STARD9: variants seen among roughly 807,000 people sequenced by gnomAD.
STARD9 encodes StAR related lipid transfer domain containing 9, also known as stAR-related lipid transfer protein 9.
A neutral mutation model predicts 399.8 loss-of-function variants in STARD9; 346 were observed. The observed-to-expected ratio is 0.87, with a 90% CI of 0.79 to 0.95. STARD9 has a LOEUF of 0.95. Among genes scored for constraint, STARD9 ranks in the 40% least tolerant of loss-of-function variants. The pLI, the probability that STARD9 is intolerant of heterozygous loss-of-function variation, is 0.00. For missense variants in STARD9, 5,832 were observed against 5,667.5 expected (o/e 1.03, Z -0.93); for synonymous variants, 2,203 against 2,143.5 (o/e 1.03, Z -0.77).
At chr15:42,656,911 CTGTT>C (rs2059886093) in intron 9 of STARD9, among the ~76,000 whole-genome samples, 2 of 152,092 alleles carry the variant, frequency 1.3e-5, no homozygotes, top group Admixed American at 1.3e-4. Context: ...ACAGGGTACA[CTGTT>C]TGGGTGATGG....
rs370111219 is a variant in STARD9 at position 42,691,843 on chromosome 15, C to T, written c.10265C>T (p.Thr3422Met). ...TCACACATGCCAACCCCTGATTTCA[C>T]GACCAGCTGGATGTCTGGTACTTTG... Reference protein sequence around the residue: ...TLSHMPTPDFTTSWMSGTLEQ... With the variant: ...TLSHMPTPDFMTSWMSGTLEQ... The change falls in exon 23 of 33, where the codon ACG becomes ATG. Residue 3422 changes from threonine to methionine, a missense_variant. Coordinates refer to ENST00000290607, the MANE Select transcript of STARD9 (RefSeq NM_020759.3). The T allele has an allele frequency of 2.5e-5, 38 of 1,537,152 alleles. No individual in the cohort carries two copies. Among genetic ancestry groups the T allele is most frequent in the African/African-American group, 2.5e-4 (18 of 73,044 alleles).
At position 42,618,665 on chromosome 15, in the gene STARD9, C is replaced by T. The variant is rs989821425; in HGVS notation, c.235-16191C>T. ...AGGCTGGAGTGCAGTGGTGTGATCT[C>T]GGCTCACCGCAACCTCTGCCTCCTG... is the stretch of plus-strand genomic sequence containing the variant. On this transcript the variant is annotated intron_variant, in intron 3 of 32. Transcript: ENST00000290607. 8.7e-5 allele frequency among the ~76,000 whole-genome samples: 13 copies of T among 150,028 alleles called. 1 individual carries two copies. The highest frequency in any genetic ancestry group is 4.0e-4 in the Admixed American group (6 of 15,078).
chr15:42,704,477 A>G (rs1396134686), intron 26 of STARD9, among the ~76,000 whole-genome samples: 1 of 152,124 alleles, frequency 6.6e-6, no homozygotes, highest in Non-Finnish European at 1.5e-5. Flanking sequence ...AATTTTTGCA[A>G]TCTGGCCTTG....
chr15:42,602,971 C>G (rs2058658503), intron 3 of STARD9, among the ~76,000 whole-genome samples: 1 of 152,182 alleles, frequency 6.6e-6, no homozygotes, highest in Non-Finnish European at 1.5e-5. Context: ...AGACCCTATT[C>G]TCCTGCCTCA....
chr15:42,694,543 TG>T lies in STARD9; in HGVS notation c.12781del (p.Glu4261ArgfsTer26). On this transcript the variant is annotated frameshift_variant, in exon 24 of 33. Transcript: ENST00000290607. LOFTEE classifies it high-confidence loss of function. ...TTTGCCTCAGGCAAAAAAAGGCCATTGAGACCCTCAGGAGAGAGCGGGCTGA... is the reference window on the plus strand; with the variant it reads ...TTTGCCTCAGGCAAAAAAAGGCCATTAGACCCTCAGGAGAGAGCGGGCTGA... Reference protein sequence around the residue: ...ELYARQKKAIETLRRERAERL... With the variant: ...ELYARQKKAIXTLRRERAERL... 1 of 1,537,046 alleles carries T rather than the reference TG, an allele frequency of 6.5e-7. No homozygotes were observed. The highest frequency in any genetic ancestry group is 8.7e-7 in the Non-Finnish European group (1 of 1,146,802).
chr15:42,639,882 A>C (rs541802961), intron 7 of STARD9, among the ~76,000 whole-genome samples: 39 of 152,082 alleles, frequency 2.6e-4, no homozygotes, highest in African/African-American at 9.2e-4. Flanking sequence ...AAAAAAAGTA[A>C]TGTATATTTT....
intron 3 of STARD9, among the ~76,000 whole-genome samples, chr15:42,604,030 G>C (rs79130229): frequency 1.6e-3 from 238 of 152,312 alleles, no homozygotes; most frequent in Middle Eastern, 6.8e-3. Context: ...CAAGGAGGGG[G>C]TTTGTTTGGG....
intron 26 of STARD9, among the ~76,000 whole-genome samples, chr15:42,706,756 T>C (rs1442141535): frequency 6.6e-6 from 1 of 152,206 alleles, no homozygotes; most frequent in Non-Finnish European, 1.5e-5. Context: ...GGCTTTTTTA[T>C]AGCTTTTGAG....
chr15:42,662,903 T>A lies in STARD9; in HGVS notation c.868+12T>A. On this transcript the variant is annotated intron_variant, in intron 11 of 32. Coordinates refer to ENST00000290607, the MANE Select transcript of STARD9 (RefSeq NM_020759.3). ...CATCTCCACCTTAGGTATTTTCTGA[T>A]AGATAATGGGAGTGGGAGGGAGAGT... 1.3e-6 allele frequency: 2 copies of A among 1,504,268 alleles called. No homozygotes were observed. The highest frequency in any genetic ancestry group is 2.8e-5 in the African/African-American group (2 of 72,456). The allele number at this position is 1,504,268 out of a possible 1,614,324, so 93.2% of individuals were successfully genotyped here. A position where few individuals can be genotyped will look rare whatever the true frequency, so the allele number is the denominator to read the frequency against.
At position 42,694,008 on chromosome 15, in the gene STARD9, A is replaced by G. The variant is rs2060780370; in HGVS notation, c.12430A>G (p.Asn4144Asp). 1.3e-6 allele frequency: 2 copies of G among 1,520,354 alleles called. No individual in the cohort carries two copies. Among genetic ancestry groups the G allele is most frequent in the African/African-American group, 1.4e-5 (1 of 72,552 alleles). The allele number at this position is 1,520,354 out of a possible 1,614,324, so 94.2% of individuals were successfully genotyped here. The change falls in exon 23 of 33, where the codon AAC becomes GAC. Residue 4144 changes from asparagine (N) to aspartate (D), a missense_variant. By Grantham distance (23) the Asn-to-Asp change is conservative. Coordinates refer to ENST00000290607, the MANE Select transcript of STARD9 (RefSeq NM_020759.3). The stretch of plus-strand genomic sequence containing the variant: ...CCTCCCGGTGCATAACAAATTTAGT[A>G]ACTGGTGTGGGGTTCAGAAGGGCTC... ...RDLPVHNKFS[N>D]WCGVQKGSPG...
intron 3 of STARD9, among the ~76,000 whole-genome samples, chr15:42,595,080 T>G (rs2058476630): frequency 6.6e-6 from 1 of 152,138 alleles, no homozygotes; most frequent in Admixed American, 6.6e-5. Flanking sequence ...TGCCTTACTT[T>G]TCTTGTATCT....
At position 42,684,174 on chromosome 15, in the gene STARD9, CAAACATCAGAGA is replaced by C. The variant is rs982897288; in HGVS notation, c.2605_2616del (p.Glu869_Ser872del). On this transcript the variant is annotated inframe_deletion, in exon 23 of 33. Coordinates refer to ENST00000290607, the MANE Select transcript of STARD9 (RefSeq NM_020759.3). ...GCCACCTAGGCCTGACCCTACACAC[CAAACATCAGAGA>C]AAACATCATCAGAAGAGCATTTGCC... 2.6e-6 allele frequency: 4 copies of C among 1,537,114 alleles called. No homozygotes were observed. In the African/African-American group the frequency reaches 4.1e-5, roughly 16 times the overall value.
intron 3 of STARD9, among the ~76,000 whole-genome samples, chr15:42,632,906 G>T (rs1312255247): frequency 6.6e-6 from 1 of 152,110 alleles, no homozygotes; most frequent in South Asian, 2.1e-4. Flanking sequence ...ACTTTGGGAG[G>T]CTGAAGTACG....
Position 42,689,344 on chromosome 15 carries a change from G to T in STARD9, c.7766G>T (p.Arg2589Met). 1 of 1,537,272 alleles carries T rather than the reference G, an allele frequency of 6.5e-7. No individual in the cohort carries two copies. Among genetic ancestry groups the T allele is most frequent in the Non-Finnish European group, 8.7e-7 (1 of 1,146,924 alleles). ...ETLLEPECSS[R>M]VAGRPQCKQI... ...TTACTAGAACCCGAATGTTCTTCAAGGGTTGCTGGCAGGCCTCAGTGTAAA... is the reference window on the plus strand; with the variant it reads ...TTACTAGAACCCGAATGTTCTTCAATGGTTGCTGGCAGGCCTCAGTGTAAA... Residue 2589 changes from arginine (R) to methionine (M), a missense_variant, in exon 23 of 33, where the codon AGG becomes ATG. This residue lies in a region of STARD9 where 5,828 missense variants were observed against 5,651.1 expected (regional missense o/e 1.03). Transcript: ENST00000290607.
chr15:42,662,204 A>C (rs1019382219), intron 10 of STARD9, among the ~76,000 whole-genome samples: 4 of 152,230 alleles, frequency 2.6e-5, no homozygotes, highest in African/African-American at 9.6e-5. Flanking sequence ...AGCATGAATT[A>C]TAGTTACATA....
intron 7 of STARD9, among the ~76,000 whole-genome samples, chr15:42,650,684 CTT>C (rs1022488946): frequency 9.2e-5 from 14 of 152,142 alleles, no homozygotes; most frequent in African/African-American, 3.1e-4. Context: ...ACCTCAGGGA[CTT>C]TGTGAGGGCC....
chr15:42,598,931 T>C (rs2058568912), intron 3 of STARD9, among the ~76,000 whole-genome samples: 1 of 152,142 alleles, frequency 6.6e-6, no homozygotes, highest in Non-Finnish European at 1.5e-5. Context: ...GTTGTTGTTT[T>C]GTTTTTTTTG....
At chr15:42,674,075 T>C in intron 16 of STARD9, 1 of 441,534 alleles carries the variant, frequency 2.3e-6, no homozygotes, top group South Asian at 1.6e-5. Flanking sequence ...GCCATACTTT[T>C]GCATGTACTT....
intron 3 of STARD9, among the ~76,000 whole-genome samples, chr15:42,615,839 G>A (rs888573625): frequency 6.6e-6 from 1 of 152,080 alleles, no homozygotes; most frequent in African/African-American, 2.4e-5. Context: ...TATATGCATA[G>A]CTAATAGATA....
Sources: allele counts gnomAD v4.1 joint callset (sites outside exome capture counted in the v4.1 genomes callset), GRCh38; gene constraint gnomAD v4.1.1; regional missense constraint gnomAD v4.1.1; transcripts MANE v1.5; gene names NCBI Gene and HGNC (gene_info 2026-07-23, HGNC 2026-07-21).